ZNF185: variants seen among roughly 807,000 people sequenced by gnomAD.
ZNF185 encodes zinc finger protein 185.
A neutral mutation model predicts 58.6 loss-of-function variants in ZNF185; 56 were observed. That is an observed-to-expected ratio of 0.95 (90% CI 0.77 to 1.19). The LOEUF (loss-of-function observed/expected upper bound fraction) is 1.19, where lower values mean the gene tolerates loss of function less well. Among genes scored for constraint, ZNF185 ranks in the 50% most tolerant of loss-of-function variants. The pLI is 0.00. For missense variants in ZNF185, 627 were observed against 573.5 expected (o/e 1.09, Z -0.95); for synonymous variants, 230 against 215.9 (o/e 1.07, Z -0.57).
intron 12 of ZNF185, among the ~76,000 whole-genome samples, chrX:152,928,906 A>G (rs782036027): frequency 8.8e-6 from 1 of 113,173 alleles, no homozygotes; most frequent in Middle Eastern, 4.6e-3. Flanking sequence ...AGTAGTGAAC[A>G]GGACCCCCTG....
At chrX:152,923,204 G>A (rs1276201670) in intron 11 of ZNF185, among the ~76,000 whole-genome samples, 1 of 112,023 alleles carries the variant, frequency 8.9e-6, no homozygotes, top group Non-Finnish European at 1.9e-5. Context: ...CAGAAGGGGA[G>A]AGGGCCTGTC....
At chrX:152,898,495 G>C in the ZNF185 span, among the ~76,000 whole-genome samples, 1 of 112,580 alleles carries the variant, frequency 8.9e-6, no homozygotes, top group Middle Eastern at 4.6e-3. Flanking sequence ...TGATCCCTCT[G>C]TCTTGCCCTT....
the ZNF185 span, among the ~76,000 whole-genome samples, chrX:152,902,627 C>G: frequency 8.0e-5 from 9 of 113,088 alleles, no homozygotes; most frequent in Non-Finnish European, 1.7e-4. Context: ...ATGCAGTGCT[C>G]TGGCAACATT....
chrX:152,927,565 A>G (rs1260467469), intron 11 of ZNF185, among the ~76,000 whole-genome samples: 2 of 111,110 alleles, frequency 1.8e-5, no homozygotes, highest in Non-Finnish European at 3.8e-5. Context: ...CCTTTGCCAT[A>G]CCAGATCTAG....
exon 7 of ZNF185, chrX:152,919,026 G>A (rs782292860): frequency 6.3e-5 from 55 of 871,792 alleles, no homozygotes; most frequent in Non-Finnish European, 8.1e-5. Context: ...AGGGGACACC[G>A]AGGAGGAGGA....
intron 14 of ZNF185, among the ~76,000 whole-genome samples, chrX:152,933,560 A>C (rs782761836): frequency 1.8e-5 from 2 of 112,327 alleles, no homozygotes; most frequent in South Asian, 7.4e-4. Context: ...GGTGATTTGC[A>C]GAGTGGCAAG....
At chrX:152,966,703 A>G (rs1364769174) in intron 19 of ZNF185, among the ~76,000 whole-genome samples, 1 of 111,869 alleles carries the variant, frequency 8.9e-6, no homozygotes, top group Non-Finnish European at 1.9e-5. Flanking sequence ...GAGTTATGCA[A>G]ACATCATTAT....
chrX:152,939,462 G>A (rs1478891207), intron 15 of ZNF185, among the ~76,000 whole-genome samples: 5 of 111,970 alleles, frequency 4.5e-5, no homozygotes, highest in African/African-American at 1.6e-4. Flanking sequence ...CAAGGGAAGA[G>A]GCTCTAAGAA....
intron 9 of ZNF185, 127 bp from the exon 11 acceptor site, chrX:152,922,046 G>A (rs982224491): frequency 1.5e-6 from 1 of 660,026 alleles, no homozygotes. Flanking sequence ...CCCAGCCTGG[G>A]CCACCTCTTG....
At chrX:152,970,523 C>G (rs2050573211) in exon 22 of ZNF185, 1 of 1,208,269 alleles carries the variant, frequency 8.3e-7, no homozygotes, top group African/African-American at 1.8e-5. Context: ...GTGGGAAATG[C>G]TATGAGAAGC....
At chrX:152,944,593 A>T (rs781890326) in intron 15 of ZNF185, among the ~76,000 whole-genome samples, 5 of 111,790 alleles carry the variant, frequency 4.5e-5, no homozygotes, top group Non-Finnish European at 1.9e-5. Flanking sequence ...CCCAGATTGG[A>T]GGGTGCAGTG....
At chrX:152,966,336 C>T (rs922683412) in intron 19 of ZNF185, among the ~76,000 whole-genome samples, 2 of 111,541 alleles carry the variant, frequency 1.8e-5, no homozygotes, top group African/African-American at 3.3e-5. Context: ...CATGTCACCT[C>T]GGTGTATTGC....
chrX:152,906,064 G>A, the ZNF185 span, among the ~76,000 whole-genome samples: 4 of 112,446 alleles, frequency 3.6e-5, no homozygotes, highest in Non-Finnish European at 7.5e-5. Context: ...CACCCTTATC[G>A]AGTGGTAGGG....
intron 16 of ZNF185, among the ~76,000 whole-genome samples, chrX:152,950,050 A>G (rs1430002239): frequency 8.9e-6 from 1 of 112,027 alleles, no homozygotes; most frequent in African/African-American, 3.2e-5. Flanking sequence ...TGATAAGGAC[A>G]ATGTAATTTG....
intron 11 of ZNF185, 138 bp downstream of exon 12, chrX:152,922,947 C>T (rs1940066497): frequency 2.0e-6 from 1 of 504,666 alleles, no homozygotes; most frequent in Admixed American, 3.9e-5. Context: ...GGTGATCTCA[C>T]TCCAGGAAGG....
At chrX:152,905,912 G>A in the ZNF185 span, among the ~76,000 whole-genome samples, 1 of 112,186 alleles carries the variant, frequency 8.9e-6, no homozygotes, top group Non-Finnish European at 1.9e-5. Context: ...AGCTACCTGG[G>A]CTGGCTGGGC....
At chrX:152,930,650 C>G (rs1421374614) in intron 12 of ZNF185, among the ~76,000 whole-genome samples, 1 of 111,278 alleles carries the variant, frequency 9.0e-6, no homozygotes. Flanking sequence ...CAGTTGACAC[C>G]TTGGGAGGGG....
chrX:152,939,462 G>C (rs1478891207), intron 15 of ZNF185, among the ~76,000 whole-genome samples: 1 of 111,970 alleles, frequency 8.9e-6, no homozygotes, highest in African/African-American at 3.2e-5. Flanking sequence ...CAAGGGAAGA[G>C]GCTCTAAGAA....
upstream of ZNF185, among the ~76,000 whole-genome samples, chrX:152,911,338 G>C (rs192547409): frequency 2.9e-4 from 32 of 111,794 alleles, no homozygotes; most frequent in East Asian, 7.6e-3. Context: ...GTCGGCATTG[G>C]GGGGAAAGAG....
Sources: allele counts gnomAD v4.1 joint callset (sites outside exome capture counted in the v4.1 genomes callset), GRCh38; gene constraint gnomAD v4.1.1; transcripts MANE v1.5; gene names NCBI Gene and HGNC (gene_info 2026-07-23, HGNC 2026-07-21).